The following ADAMTS9 variants were observed in gnomAD, a reference collection of about 807,000 sequenced individuals.
ADAMTS9 encodes the protein A disintegrin and metalloproteinase with thrombospondin motifs 9.
ADAMTS9 carries 107 observed loss-of-function variants against 257.1 expected under a neutral mutation model. The ratio of observed to expected loss-of-function variants is 0.42; its 90% CI spans 0.36 to 0.49. The LOEUF (loss-of-function observed/expected upper bound fraction) is 0.49, where lower values mean the gene tolerates loss of function less well. Among genes scored for constraint, ADAMTS9 ranks in the 20% least tolerant of loss-of-function variants. ADAMTS9 has a pLI of 0.03. For synonymous variants in ADAMTS9, 982 were observed against 880.9 expected (o/e 1.11, Z -2.03); for missense variants, 2,353 against 2,469.1 (o/e 0.95, Z 1.00).
chr3:64,527,086 C>A (rs193261670), intron 38 of ADAMTS9, among the ~76,000 whole-genome samples: 1 of 152,088 alleles, frequency 6.6e-6, no homozygotes, highest in African/African-American at 2.4e-5. Flanking sequence ...AACAGCCACA[C>A]GGAGCAAGTA....
At chr3:64,567,235 A>G (rs1389921354) in intron 29 of ADAMTS9, among the ~76,000 whole-genome samples, 1 of 152,166 alleles carries the variant, frequency 6.6e-6, no homozygotes, top group Non-Finnish European at 1.5e-5. Context: ...CTATGACCAA[A>G]GCTGCTTTGG....
chr3:64,687,699 C>T lies in ADAMTS9; in HGVS notation c.-42G>A. ...CCCTCCGCTGCCCCCACCCCCCTCC[C>T]TCCTGCCCTCCTTGGCTGCGGCGGC... On this transcript the variant is annotated 5_prime_UTR_variant, in exon 1 of 40. Transcript: ENST00000498707. The surrounding 1 kb of genome is among the most constrained non-coding windows in gnomAD (Gnocchi z 4.4). 2 of 1,396,492 alleles carry T rather than the reference C, an allele frequency of 1.4e-6. No homozygotes were observed. Among genetic ancestry groups the T allele is most frequent in the Non-Finnish European group, 9.6e-7 (1 of 1,042,864 alleles). The allele number at this position is 1,396,492 out of a possible 1,614,324, so 86.5% of individuals were successfully genotyped here.
Position 64,620,236 on chromosome 3 carries a change from A to G in ADAMTS9, c.2813+878T>C, listed in dbSNP as rs116595018. On this transcript the variant is annotated intron_variant, in intron 19 of 39. Coordinates refer to ENST00000498707, the MANE Select transcript of ADAMTS9 (RefSeq NM_182920.2). ...TAGTAGTCAATCTCAGAACTCCTCT[A>G]TTTTCTCAGAGCCTCAAGTAGGCCT... Among the ~76,000 whole-genome samples the G allele has an allele frequency of 1.9e-3, 296 of 152,158 alleles. 3 individuals carry two copies. Among genetic ancestry groups the G allele is most frequent in the African/African-American group, 7.0e-3 (289 of 41,516 alleles).
At chr3:64,562,069 G>A (rs1160019761) in intron 29 of ADAMTS9, among the ~76,000 whole-genome samples, 2 of 152,180 alleles carry the variant, frequency 1.3e-5, no homozygotes, top group Non-Finnish European at 1.5e-5. Flanking sequence ...TGGAAATAGT[G>A]CTGCCATGAG....
At chr3:64,651,955 A>G (rs905705520) in intron 8 of ADAMTS9, among the ~76,000 whole-genome samples, 4 of 152,356 alleles carry the variant, frequency 2.6e-5, no homozygotes, top group Middle Eastern at 3.4e-3. Context: ...GCATGAACAC[A>G]TATTTGCCAT....
At chr3:64,545,839 G>A (rs560308511) in intron 32 of ADAMTS9, among the ~76,000 whole-genome samples, 18 of 152,190 alleles carry the variant, frequency 1.2e-4, no homozygotes, top group Admixed American at 7.2e-4. Context: ...CTCATGGTCC[G>A]CCGACCATGG....
intron 12 of ADAMTS9, among the ~76,000 whole-genome samples, chr3:64,636,307 T>C (rs901828606): frequency 5.9e-5 from 9 of 152,206 alleles, no homozygotes; most frequent in Non-Finnish European, 1.3e-4. Context: ...AAATACTGTA[T>C]GTGAGAGGCA....
chr3:64,654,027 C>T (rs1377319765), intron 8 of ADAMTS9, among the ~76,000 whole-genome samples: 1 of 152,124 alleles, frequency 6.6e-6, no homozygotes, highest in African/African-American at 2.4e-5. Flanking sequence ...GCTAATATAT[C>T]CTCTGCTTCA....
At chr3:64,646,782 G>T (rs1023029407) in intron 11 of ADAMTS9, among the ~76,000 whole-genome samples, 1 of 152,204 alleles carries the variant, frequency 6.6e-6, no homozygotes, top group African/African-American at 2.4e-5. Context: ...TAGGAGCTCA[G>T]TGAGCTTCAG....
chr3:64,687,779 T>G lies in ADAMTS9; in HGVS notation c.-122A>C. The G allele has an allele frequency of 1.4e-6, 1 of 740,258 alleles. No individual in the cohort carries two copies. Among genetic ancestry groups the G allele is most frequent in the Non-Finnish European group, 2.1e-6 (1 of 485,880 alleles). The allele number at this position is 740,258 out of a possible 1,614,324, so 45.9% of individuals were successfully genotyped here. Reference sequence around the variant, plus strand: ...CGGAGCCCGGCGCCCGCCGCCAACTTTTGACTTTAGGAGTCGCTGAGGTCT... The same window carrying G: ...CGGAGCCCGGCGCCCGCCGCCAACTGTTGACTTTAGGAGTCGCTGAGGTCT... On this transcript the variant is annotated 5_prime_UTR_variant, in exon 1 of 40. Transcript: ENST00000498707. The surrounding 1 kb of genome is among the most constrained non-coding windows in gnomAD (Gnocchi z 4.4).
chr3:64,575,819 G>T (rs2106718243), intron 28 of ADAMTS9, among the ~76,000 whole-genome samples: 1 of 152,254 alleles, frequency 6.6e-6, no homozygotes, highest in Non-Finnish European at 1.5e-5. Flanking sequence ...TTGTGTTTCA[G>T]CCAGACAGCA....
At chr3:64,601,100 G>A (rs1449493223) in intron 26 of ADAMTS9, among the ~76,000 whole-genome samples, 1 of 151,734 alleles carries the variant, frequency 6.6e-6, no homozygotes, top group Non-Finnish European at 1.5e-5. Flanking sequence ...ACATTCCAAA[G>A]CATACTTTTC....
At chr3:64,539,391 G>C in intron 36 of ADAMTS9, 97 bp from the exon 37 acceptor site, 1 of 1,018,726 alleles carries the variant, frequency 9.8e-7, no homozygotes, top group Non-Finnish European at 1.5e-6. Flanking sequence ...AAGGGAAGAA[G>C]AAGAATAAGA....
At chr3:64,592,599 T>C (rs1298547062) in intron 28 of ADAMTS9, 10 of 152,186 alleles carry the variant, frequency 6.6e-5, no homozygotes, top group Non-Finnish European at 5.9e-5. Flanking sequence ...CTTATGTTTT[T>C]CCCCCTGTTT....
At chr3:64,540,525 G>A (rs904643203) in intron 36 of ADAMTS9, among the ~76,000 whole-genome samples, 1 of 152,140 alleles carries the variant, frequency 6.6e-6, no homozygotes, top group Admixed American at 6.5e-5. Flanking sequence ...AATAAAATTA[G>A]TTTTACGTCT....
chr3:64,563,069 T>C (rs1331090853), intron 29 of ADAMTS9: 2 of 152,192 alleles, frequency 1.3e-5, no homozygotes, highest in East Asian at 1.9e-4. Flanking sequence ...ATTGTATTAA[T>C]TGGATTGAAT....
chr3:64,621,577 C>T (rs1019858803), intron 18 of ADAMTS9, among the ~76,000 whole-genome samples: 25 of 151,854 alleles, frequency 1.6e-4, no homozygotes, highest in African/African-American at 4.8e-4. Context: ...GCCTGGCTAA[C>T]GTGGTGAAAC....
chr3:64,652,224 T>C (rs1435244808), intron 8 of ADAMTS9, among the ~76,000 whole-genome samples: 1 of 152,218 alleles, frequency 6.6e-6, no homozygotes, highest in Non-Finnish European at 1.5e-5. Flanking sequence ...TAGACTTGCA[T>C]CATATAAAAG....
chr3:64,570,719 A>C (rs1326361556), intron 28 of ADAMTS9, among the ~76,000 whole-genome samples: 6 of 150,922 alleles, frequency 4.0e-5, no homozygotes, highest in Non-Finnish European at 8.8e-5. Flanking sequence ...AAAAAAAAAA[A>C]AAAGATGTAT....
Sources: allele counts gnomAD v4.1 joint callset (sites outside exome capture counted in the v4.1 genomes callset), GRCh38; gene constraint gnomAD v4.1.1; non-coding constraint Gnocchi (gnomAD v3.1); transcripts MANE v1.5; gene names NCBI Gene and HGNC (gene_info 2026-07-23, HGNC 2026-07-21).